DCP1A: variants seen among roughly 807,000 people sequenced by gnomAD.
DCP1A encodes the protein decapping mRNA 1A.
Under a neutral mutation model 58.0 loss-of-function variants are expected in DCP1A, and 20 were observed. That is an observed-to-expected ratio of 0.34 (90% CI 0.24 to 0.50). The LOEUF is 0.50. Among genes scored for constraint, DCP1A ranks in the 20% least tolerant of loss-of-function variants. DCP1A has a pLI of 0.98. For synonymous variants in DCP1A, 285 were observed against 275.1 expected (o/e 1.04, Z -0.36); for missense variants, 613 against 712.2 (o/e 0.86, Z 1.59).
intron 3 of DCP1A, among the ~76,000 whole-genome samples, chr3:53,340,416 AACCT>A: frequency 6.6e-6 from 1 of 152,320 alleles, no homozygotes; most frequent in South Asian, 2.1e-4. Context: ...CAAAAGATAG[AACCT>A]ATTTCACTTA....
chr3:53,329,074 G>T (rs1708187221), intron 3 of DCP1A: 1 of 323,416 alleles, frequency 3.1e-6, no homozygotes, highest in African/African-American at 2.1e-5. Context: ...TGTGGAGGGA[G>T]AACTCACATT....
chr3:53,331,093 G>C (rs534991362), intron 3 of DCP1A, among the ~76,000 whole-genome samples: 2 of 152,054 alleles, frequency 1.3e-5, no homozygotes, highest in African/African-American at 4.8e-5. Flanking sequence ...TCCTGACCTC[G>C]TGATCCGCCT....
Position 53,292,619 on chromosome 3 carries a change from G to A in DCP1A, c.833C>T (p.Ser278Phe), listed in dbSNP as rs1037645346. The change falls in exon 7 of 10, where the codon TCT becomes TTT. Residue 278 changes from serine (S) to phenylalanine (F), a missense_variant. This residue lies in a region of DCP1A where 498 missense variants were observed against 556.7 expected (regional missense o/e 0.89). Transcript: ENST00000610213. ...APQSETLGVP[S>F]AAHHSVQPEI... Reference sequence around the variant, plus strand: ...AGGCTGGACTGAATGGTGGGCAGCAGAAGGGACACCCAGGGTTTCTGATTG... The same window carrying A: ...AGGCTGGACTGAATGGTGGGCAGCAAAAGGGACACCCAGGGTTTCTGATTG... 1.2e-6 allele frequency: 2 copies of A among 1,613,758 alleles called. No individual in the cohort carries two copies. Among genetic ancestry groups the A allele is most frequent in the Non-Finnish European group, 8.5e-7 (1 of 1,179,814 alleles).
chr3:53,310,402 T>C (rs1198510444), intron 5 of DCP1A, among the ~76,000 whole-genome samples: 1 of 152,256 alleles, frequency 6.6e-6, no homozygotes, highest in Non-Finnish European at 1.5e-5. Context: ...CCTCTCAGCC[T>C]GAGTAAGCCA....
chr3:53,292,688 T>C lies in DCP1A; in HGVS notation c.764A>G (p.Asn255Ser), dbSNP rs781966543. 1.7e-5 allele frequency: 28 copies of C among 1,613,650 alleles called. No individual in the cohort carries two copies. Among genetic ancestry groups the C allele is most frequent in the Non-Finnish European group, 2.3e-5 (27 of 1,179,838 alleles). The change falls in exon 7 of 10, where the codon AAT becomes AGT. Residue 255 changes from asparagine (N) to serine (S), a missense_variant. Transcript: ENST00000610213. ...CTCAAAGGGAAATGGTAGGAATGAA[T>C]TGGGCTCTTTCTGGGAGGCATCTCC... ...LPGDASQKEP[N>S]SFLPFPFEQL...
intron 6 of DCP1A, 145 bp downstream of exon 6, chr3:53,304,032 G>A (rs1440016395): frequency 6.8e-6 from 4 of 587,238 alleles, no homozygotes; most frequent in South Asian, 2.7e-5. Context: ...ACAGTTACTC[G>A]GATCATGACC....
At chr3:53,317,102 G>A (rs4482661) in intron 4 of DCP1A, among the ~76,000 whole-genome samples, 3 of 152,218 alleles carry the variant, frequency 2.0e-5, no homozygotes, top group Non-Finnish European at 2.9e-5. Context: ...CCAAAGTTTA[G>A]AAAAAATCTG....
rs1553685120 is a variant in DCP1A at position 53,286,495 on chromosome 3, T to C, written c.*1085A>G. ...CAGATCAATAGCAGCATAACAAAGC[T>C]TCTTTACATATTTTCACACTTTGGG... On this transcript the variant is annotated 3_prime_UTR_variant, in exon 10 of 10. Transcript: ENST00000610213. The C allele has an allele frequency of 2.0e-5, 3 of 152,200 alleles. No homozygotes were observed. Among genetic ancestry groups the C allele is most frequent in the African/African-American group, 7.2e-5 (3 of 41,448 alleles). 9.4% of individuals were successfully genotyped at this position (152,200 alleles called of 1,614,324 possible). A position where few individuals can be genotyped will look rare whatever the true frequency, so the allele number is the denominator to read the frequency against.
In DCP1A at chr3:53,287,310, A is replaced by G. The variant is rs1706670594; in HGVS notation, c.*270T>C. On this transcript the variant is annotated 3_prime_UTR_variant, in exon 10 of 10. Coordinates refer to ENST00000610213, the MANE Select transcript of DCP1A (RefSeq NM_018403.7). Reference sequence around the variant, plus strand: ...ACAGCCTTGCTCCTAGCTGATGAAAACACCCACATAACTTAACACAATGAT... The same window carrying G: ...ACAGCCTTGCTCCTAGCTGATGAAAGCACCCACATAACTTAACACAATGAT... The G allele has an allele frequency of 5.9e-6, 2 of 339,914 alleles. No individual in the cohort carries two copies. Among genetic ancestry groups the G allele is most frequent in the Non-Finnish European group, 1.1e-5 (2 of 188,926 alleles). The allele number at this position is 339,914 out of a possible 1,614,324, so 21.1% of individuals were successfully genotyped here.
intron 2 of DCP1A, among the ~76,000 whole-genome samples, chr3:53,343,167 A>AGCTTT (rs1218484803): frequency 6.6e-6 from 1 of 152,222 alleles, no homozygotes. Context: ...TTAGGAGACA[A>AGCTTT]GCTTTGAATG....
intron 3 of DCP1A, among the ~76,000 whole-genome samples, chr3:53,320,053 G>A (rs1337334691): frequency 2.6e-5 from 4 of 151,700 alleles, no homozygotes; most frequent in Non-Finnish European, 4.4e-5. Context: ...GCTTGGGCCC[G>A]GGAGGCAGTG....
intron 1 of DCP1A, among the ~76,000 whole-genome samples, chr3:53,346,147 T>C (rs1000572865): frequency 1.1e-4 from 17 of 152,144 alleles, no homozygotes; most frequent in Non-Finnish European, 2.4e-4. Flanking sequence ...AATTTATATA[T>C]AGGCCAAGAA....
chr3:53,320,012 C>T (rs1357900470), intron 3 of DCP1A, among the ~76,000 whole-genome samples: 2 of 151,968 alleles, frequency 1.3e-5, no homozygotes, highest in Non-Finnish European at 2.9e-5. Context: ...CCTGTAATCC[C>T]AGCTACTTGG....
At chr3:53,302,645 C>A (rs1707345482) in intron 6 of DCP1A, among the ~76,000 whole-genome samples, 1 of 152,128 alleles carries the variant, frequency 6.6e-6, no homozygotes, top group Non-Finnish European at 1.5e-5. Flanking sequence ...TATTTTGAGC[C>A]AGAGCCTTGC....
intron 3 of DCP1A, among the ~76,000 whole-genome samples, chr3:53,334,206 G>A (rs2089070172): frequency 6.6e-6 from 1 of 152,130 alleles, no homozygotes; most frequent in Admixed American, 6.5e-5. Context: ...TGAGGCTGCA[G>A]AGAGCCATGA....
chr3:53,323,667 G>A (rs1299395714), intron 3 of DCP1A, among the ~76,000 whole-genome samples: 1 of 152,020 alleles, frequency 6.6e-6, no homozygotes, highest in East Asian at 1.9e-4. Context: ...GAGGAGACCA[G>A]CCTGGCCAAC....
intron 6 of DCP1A, among the ~76,000 whole-genome samples, chr3:53,303,837 T>C (rs1424271841): frequency 6.6e-6 from 1 of 152,190 alleles, no homozygotes; most frequent in Admixed American, 6.5e-5. Flanking sequence ...TGGGCCACTG[T>C]CATGATCCTG....
intron 4 of DCP1A, among the ~76,000 whole-genome samples, chr3:53,317,628 A>AT (rs1707851540): frequency 1.3e-5 from 2 of 152,146 alleles, no homozygotes; most frequent in South Asian, 4.1e-4. Context: ...AGGCAGGAGG[A>AT]TCCCTTAAGC....
intron 4 of DCP1A, among the ~76,000 whole-genome samples, chr3:53,314,749 G>A (rs1707752230): frequency 7.4e-6 from 1 of 135,844 alleles, no homozygotes; most frequent in South Asian, 2.3e-4. Context: ...TCGGCTTACT[G>A]CAACCTTCGA....
Sources: gnomAD v4.1 joint callset for allele counts (sites outside exome capture counted in the v4.1 genomes callset) on GRCh38, gnomAD v4.1.1 for gene constraint, gnomAD v4.1.1 regional missense constraint, MANE v1.5 for transcripts, NCBI Gene and HGNC (gene_info 2026-07-23, HGNC 2026-07-21) for gene names.